The following TMEM14A variants were observed in gnomAD, a reference collection of about 807,000 sequenced individuals.
The protein encoded by TMEM14A is transmembrane protein 14A.
In TMEM14A, 8 loss-of-function variants were observed where a neutral mutation model predicts 11.6. The ratio of observed to expected loss-of-function variants is 0.69; its 90% CI spans 0.40 to 1.24. The LOEUF (loss-of-function observed/expected upper bound fraction) is 1.24, where lower values mean the gene tolerates loss of function less well. Ranked by LOEUF, TMEM14A falls within the 50% of genes most tolerant of loss-of-function variation. TMEM14A has a pLI of 0.01. For missense variants in TMEM14A, 108 were observed against 121.9 expected (o/e 0.89, Z 0.54); for synonymous variants, 34 against 45.5 (o/e 0.75, Z 1.02).
At chr6:52,677,274 C>T in intron 2 of TMEM14A, 102 bp downstream of exon 2, 1 of 1,281,514 alleles carries the variant, frequency 7.8e-7, no homozygotes, top group Admixed American at 1.7e-5. Flanking sequence ...CTAAAGATGC[C>T]TTAGAGGTGG....
rs763559925 is a variant in TMEM14A, at chr6:52,677,122, G to T, written c.20G>T (p.Gly7Val). 1.9e-6 allele frequency: 3 copies of T among 1,614,180 alleles called. No individual in the cohort carries two copies. In the Admixed American group the frequency reaches 5.0e-5, roughly 27 times the overall value. Reference protein sequence around the residue: MDLIGFGYAALVTFGSI... With the variant: MDLIGFVYAALVTFGSI... The stretch of plus-strand genomic sequence containing the variant: ...TTGCCAATGGACCTGATCGGTTTTG[G>T]TTATGCAGCCCTCGTGACATTTGGA... Residue 7 changes from glycine (G) to valine (V), a missense_variant, in exon 2 of 5, where the codon GGT becomes GTT. By Grantham distance (109) the Gly-to-Val change is moderately radical. Transcript: ENST00000211314.
chr6:52,675,717 T>G (rs191052416), intron 1 of TMEM14A, among the ~76,000 whole-genome samples: 89 of 152,362 alleles, frequency 5.8e-4, no homozygotes, highest in African/African-American at 2.1e-3. Flanking sequence ...AAGAGCTATC[T>G]TGCAAGGAAA....
intron 1 of TMEM14A, among the ~76,000 whole-genome samples, chr6:52,676,497 A>G (rs996264138): frequency 1.3e-5 from 2 of 152,142 alleles, no homozygotes; most frequent in Non-Finnish European, 2.9e-5. Flanking sequence ...TAAGCCATCT[A>G]CCTGCCTTGG....
chr6:52,674,889 C>CT (rs35094326), intron 1 of TMEM14A, among the ~76,000 whole-genome samples: 3,379 of 139,218 alleles, frequency 0.024, 120 homozygotes, highest in African/African-American at 0.071. Context: ...AATTCTTCTT[C>CT]TTTTTTTTTT....
At chr6:52,672,893 T>C (rs1302663835) in intron 1 of TMEM14A, among the ~76,000 whole-genome samples, 1 of 152,158 alleles carries the variant, frequency 6.6e-6, no homozygotes, top group Non-Finnish European at 1.5e-5. Context: ...TGCTGGAATT[T>C]AAATCTGATT....
chr6:52,673,296 GCCC>G (rs1416806523), intron 1 of TMEM14A, among the ~76,000 whole-genome samples: 6 of 152,114 alleles, frequency 3.9e-5, no homozygotes, highest in African/African-American at 7.2e-5. Context: ...CTGAGCCCCT[GCCC>G]CACCTGTCCC....
chr6:52,678,313 GTGTGTATGTGTGTGTT>G (rs1349142660), intron 2 of TMEM14A, among the ~76,000 whole-genome samples: 29 of 32,994 alleles, frequency 8.8e-4, no homozygotes, highest in African/African-American at 2.2e-3. Context: ...TATAGAGAGT[GTGTGTATGTGTGTGTT>G]TGTGTGTGTG....
intron 3 of TMEM14A, among the ~76,000 whole-genome samples, chr6:52,682,290 C>CT (rs1233574665): frequency 1.3e-5 from 2 of 152,192 alleles, no homozygotes; most frequent in African/African-American, 2.4e-5. Context: ...TCACAAACAT[C>CT]TTTTAGATTC....
chr6:52,674,796 C>T (rs1357160419), intron 1 of TMEM14A, among the ~76,000 whole-genome samples: 1 of 151,910 alleles, frequency 6.6e-6, no homozygotes, highest in East Asian at 1.9e-4. Flanking sequence ...CTTTTTGGTG[C>T]TGTCATCTCC....
At chr6:52,673,300 C>T (rs994266886) in intron 1 of TMEM14A, among the ~76,000 whole-genome samples, 15 of 152,152 alleles carry the variant, frequency 9.9e-5, no homozygotes, top group Non-Finnish European at 5.9e-5. Context: ...GCCCCTGCCC[C>T]ACCTGTCCCA....
At chr6:52,683,844 A>G (rs976712412) in intron 3 of TMEM14A, among the ~76,000 whole-genome samples, 3 of 152,148 alleles carry the variant, frequency 2.0e-5, no homozygotes, top group Non-Finnish European at 4.4e-5. Flanking sequence ...CAAACTCCCA[A>G]CATCAGGTGA....
At chr6:52,680,704 T>TATATACATACACAC (rs371102796) in intron 2 of TMEM14A, among the ~76,000 whole-genome samples, 2 of 51,102 alleles carry the variant, frequency 3.9e-5, no homozygotes, top group Non-Finnish European at 8.8e-5. Flanking sequence ...TATATATATA[T>TATATACATACACAC]ACACATATAT....
Position 52,686,081 on chromosome 6 carries a change from T to G in TMEM14A, c.*32T>G. 6.2e-7 allele frequency: 1 copy of G among 1,602,510 alleles called. No homozygotes were observed. The highest frequency in any genetic ancestry group is 8.5e-7 in the Non-Finnish European group (1 of 1,173,910). On this transcript the variant is annotated 3_prime_UTR_variant, in exon 5 of 5. Coordinates refer to ENST00000211314, the MANE Select transcript of TMEM14A (RefSeq NM_014051.4). The stretch of plus-strand genomic sequence containing the variant: ...GGAGGAACAGAAAACTAAGTTCATG[T>G]CATCCTGCTGTAATGGGCAGAGCAT...
intron 1 of TMEM14A, among the ~76,000 whole-genome samples, chr6:52,673,116 C>G (rs1769192437): frequency 6.6e-6 from 1 of 152,202 alleles, no homozygotes; most frequent in African/African-American, 2.4e-5. Context: ...CCTGCACCCT[C>G]TTCACTTGAC....
At chr6:52,673,321 G>T (rs1338912603) in intron 1 of TMEM14A, among the ~76,000 whole-genome samples, 1 of 151,042 alleles carries the variant, frequency 6.6e-6, no homozygotes, top group Admixed American at 6.6e-5. Context: ...TAGAACAGGG[G>T]CCATACGGGG....
At chr6:52,681,351 C>T (rs571828960) in intron 2 of TMEM14A, among the ~76,000 whole-genome samples, 23 of 152,248 alleles carry the variant, frequency 1.5e-4, no homozygotes, top group African/African-American at 4.8e-4. Flanking sequence ...CAGGATGGAA[C>T]CATTGCTTGG....
chr6:52,671,854 G>A (rs1409066500), intron 1 of TMEM14A, among the ~76,000 whole-genome samples: 9 of 152,198 alleles, frequency 5.9e-5, no homozygotes, highest in African/African-American at 1.9e-4. Context: ...GTGATGTGCT[G>A]TGCACATCCT....
chr6:52,681,802 TC>T lies in TMEM14A; in HGVS notation c.71-7del. ...TTCTCTTTGTGATCTCATATTTTTT[TC>T]CCCTTCCAGGTGGTGTTCCGTCTTT... On this transcript the variant is annotated splice_polypyrimidine_tract_variant and intron_variant, in intron 2 of 4. Coordinates refer to ENST00000211314, the MANE Select transcript of TMEM14A (RefSeq NM_014051.4). 1.2e-6 allele frequency: 2 copies of T among 1,612,262 alleles called. No homozygotes were observed. The highest frequency in any genetic ancestry group is 1.7e-6 in the Non-Finnish European group (2 of 1,178,522).
intron 1 of TMEM14A, among the ~76,000 whole-genome samples, chr6:52,673,300 C>G (rs994266886): frequency 3.9e-5 from 6 of 152,152 alleles, no homozygotes; most frequent in Admixed American, 3.9e-4. Context: ...GCCCCTGCCC[C>G]ACCTGTCCCA....
Sources: gnomAD v4.1 joint callset for allele counts (sites outside exome capture counted in the v4.1 genomes callset) on GRCh38, gnomAD v4.1.1 for gene constraint, MANE v1.5 for transcripts, NCBI Gene and HGNC (gene_info 2026-07-23, HGNC 2026-07-21) for gene names.